TLE2: variants seen among roughly 807,000 people sequenced by gnomAD.
The protein encoded by TLE2 is transducin-like enhancer protein 2.
In TLE2, 74 loss-of-function variants were observed where a neutral mutation model predicts 97.2. The ratio of observed to expected loss-of-function variants is 0.76; its 90% CI spans 0.63 to 0.92. TLE2 has a LOEUF of 0.92. Ranked by LOEUF, TLE2 falls within the 40% of genes least tolerant of loss-of-function variation. The pLI is 0.00. For missense variants in TLE2, 1,038 were observed against 1,008.7 expected, an observed-to-expected ratio of 1.03 and a Z score of -0.39; for synonymous variants, 499 against 432.1, an observed-to-expected ratio of 1.15 and a Z score of -1.92.
chr19:3,014,635 G>A, intron 9 of TLE2, 21 bp from the exon 10 acceptor site: 6 of 1,586,866 alleles, frequency 3.8e-6, no homozygotes, highest in South Asian at 1.2e-5. Context: ...ATGGGGGAGA[G>A]AGCTCATTGT....
At chr19:3,010,433 G>C (rs1198483607) in intron 12 of TLE2, among the ~76,000 whole-genome samples, 1 of 151,618 alleles carries the variant, frequency 6.6e-6, no homozygotes, top group Non-Finnish European at 1.5e-5. Context: ...ACATCCTTGA[G>C]CCTCCCCATT....
At chr19:3,040,625 C>T (rs1268638793) in intron 1 of TLE2, among the ~76,000 whole-genome samples, 1 of 151,800 alleles carries the variant, frequency 6.6e-6, no homozygotes, top group Non-Finnish European at 1.5e-5. Flanking sequence ...AGGCGTGAGC[C>T]ATCTCACCCG....
intron 13 of TLE2, among the ~76,000 whole-genome samples, chr19:3,009,335 C>T (rs188620874): frequency 1.2e-4 from 19 of 152,334 alleles, no homozygotes; most frequent in Admixed American, 5.2e-4. Context: ...ATCGCTGTTG[C>T]GTTTTTCCAC....
In TLE2 at chr19:3,017,840, C is replaced by T. The variant is rs1376456460; in HGVS notation, c.570G>A (p.Arg190=). ...GAGTCCCAGGGTGCCACTCACTTAC[C>T]CTGCTCGGGGCTCTCTCCACTGACA... ...EGSRVERAPS[R]SASPSPPESL... is the part of the protein sequence containing the mutation. The change falls in exon 8 of 20, where the codon AGG becomes AGA. Residue 190 remains arginine, a splice_region_variant and synonymous_variant. Coordinates refer to ENST00000262953, the MANE Select transcript of TLE2 (RefSeq NM_003260.5). 6.2e-7 allele frequency: 1 copy of T among 1,612,008 alleles called. No homozygotes were observed. Among genetic ancestry groups the T allele is most frequent in the South Asian group, 1.1e-5 (1 of 90,798 alleles).
At chr19:3,042,592 G>GA (rs2090113052) in intron 1 of TLE2, among the ~76,000 whole-genome samples, 2 of 151,704 alleles carry the variant, frequency 1.3e-5, no homozygotes, top group African/African-American at 4.8e-5. Context: ...AGAGATGGCA[G>GA]AAAGAGGGAG....
intron 7 of TLE2, 44 bp from the exon 8 acceptor site, chr19:3,017,903 T>A: frequency 1.2e-6 from 2 of 1,601,412 alleles, no homozygotes; most frequent in African/African-American, 2.7e-5. Context: ...GGAGAAAGAA[T>A]GAGGCGTTTG....
Position 3,011,247 on chromosome 19 carries a change from G to A in TLE2, c.874-87C>T, listed in dbSNP as rs139103406. 5.0e-4 allele frequency: 700 copies of A among 1,406,650 alleles called. 5 individuals carry two copies. In the African/African-American group the frequency reaches 7.5e-3, roughly 15 times the overall value. The allele number at this position is 1,406,650 out of a possible 1,614,324, so 87.1% of individuals were successfully genotyped here. A position where few individuals can be genotyped will look rare whatever the true frequency, so the allele number is the denominator to read the frequency against. On this transcript the variant is annotated intron_variant, in intron 11 of 19. Transcript: ENST00000262953. ...TGATCAGAAACTGGGGTTGGGGGCG[G>A]CCAGTCGCAGTGTCTCACACCTGTA...
chr19:3,015,152 C>A (rs77430765), intron 9 of TLE2, among the ~76,000 whole-genome samples: 3 of 151,662 alleles, frequency 2.0e-5, no homozygotes, highest in African/African-American at 7.3e-5. Flanking sequence ...TGCCAGTCTC[C>A]GGGGATCAAG....
intron 15 of TLE2, 138 bp downstream of exon 15, chr19:3,006,282 C>T (rs2089475288): frequency 2.2e-6 from 3 of 1,367,726 alleles, no homozygotes; most frequent in Non-Finnish European, 2.0e-6. Context: ...CATGCGACTA[C>T]GAGCTCCGCC....
chr19:3,028,259 C>A, intron 3 of TLE2, 60 bp downstream of exon 3: 2 of 1,525,766 alleles, frequency 1.3e-6, no homozygotes, highest in East Asian at 4.8e-5. Flanking sequence ...CCCCAGAGTC[C>A]ACCGTGACTC....
rs762011716 is a variant in TLE2 at position 2,997,905 on chromosome 19, TTTG to T, written c.2172_2174del (p.Asn724del). 1.9e-5 allele frequency: 31 copies of T among 1,613,188 alleles called. No individual in the cohort carries two copies. The highest frequency in any genetic ancestry group is 2.4e-5 in the Non-Finnish European group (28 of 1,179,636). ...TGTCCCCCGAGCCTGTCACGATGTA[TTTG>T]TTATTTCTGGAGATGTCACAACTCA... On this transcript the variant is annotated inframe_deletion, in exon 20 of 20. Coordinates refer to ENST00000262953, the MANE Select transcript of TLE2 (RefSeq NM_003260.5).
intron 1 of TLE2, among the ~76,000 whole-genome samples, chr19:3,043,229 C>T (rs1204230346): frequency 6.6e-6 from 1 of 152,096 alleles, no homozygotes; most frequent in East Asian, 1.9e-4. Flanking sequence ...AATCCTCCCG[C>T]CTCAGCCTCC....
intron 8 of TLE2, among the ~76,000 whole-genome samples, chr19:3,017,222 C>T (rs1354519330): frequency 7.2e-6 from 1 of 138,554 alleles, no homozygotes; most frequent in Non-Finnish European, 1.5e-5. Context: ...ACTGCAACCT[C>T]TGTCTCCCAG....
chr19:3,020,970 T>C (rs981533091), intron 5 of TLE2, among the ~76,000 whole-genome samples: 5 of 149,836 alleles, frequency 3.3e-5, no homozygotes, highest in African/African-American at 1.2e-4. Flanking sequence ...GTGCCTATAA[T>C]ACCAGCTACT....
intron 19 of TLE2, among the ~76,000 whole-genome samples, chr19:2,999,423 G>A (rs2089300400): frequency 6.6e-6 from 1 of 152,138 alleles, no homozygotes; most frequent in Non-Finnish European, 1.5e-5. Context: ...CACTGCTGAT[G>A]GGGATATAAA....
At chr19:3,042,516 A>G (rs1482851755) in intron 1 of TLE2, among the ~76,000 whole-genome samples, 6 of 150,288 alleles carry the variant, frequency 4.0e-5, no homozygotes, top group Non-Finnish European at 5.9e-5. Context: ...GGAGGCGCCA[A>G]TGAAGAGATC....
intron 15 of TLE2, 56 bp from the exon 16 acceptor site, chr19:3,006,024 G>A: frequency 1.3e-6 from 2 of 1,596,072 alleles, no homozygotes. Flanking sequence ...AGGTCTCTAG[G>A]AGCCTAGCTC....
intron 7 of TLE2, 65 bp from the exon 8 acceptor site, chr19:3,017,924 G>A (rs142682765): frequency 1.7e-4 from 262 of 1,522,720 alleles, no homozygotes; most frequent in African/African-American, 3.4e-4. Flanking sequence ...TATCCACGGC[G>A]CCAGAGGGTA....
intron 13 of TLE2, 115 bp from the exon 14 acceptor site, chr19:3,009,060 G>C: frequency 2.6e-6 from 2 of 756,772 alleles, no homozygotes; most frequent in Non-Finnish European, 4.1e-6. Flanking sequence ...CAAGGCAGCA[G>C]AGATGCCTTC....
Sources: allele counts gnomAD v4.1 joint callset (sites outside exome capture counted in the v4.1 genomes callset), GRCh38; gene constraint gnomAD v4.1.1; transcripts MANE v1.5; gene names NCBI Gene and HGNC (gene_info 2026-07-23, HGNC 2026-07-21).